Variants in MAP2K1 observed in about 807,000 individuals in gnomAD.
The protein encoded by MAP2K1 is mitogen-activated protein kinase kinase 1, also known as dual specificity mitogen-activated protein kinase kinase 1.
Under a neutral mutation model 46.3 loss-of-function variants are expected in MAP2K1, and 16 were observed. That is an observed-to-expected ratio of 0.35 (90% CI 0.23 to 0.52). The LOEUF (loss-of-function observed/expected upper bound fraction) is 0.52. MAP2K1 is among the 20% of genes least tolerant of loss of function. The pLI is 0.94. For synonymous variants in MAP2K1, 183 were observed against 185.6 expected (o/e 0.99, Z 0.11); for missense variants, 263 against 497.1 (o/e 0.53, Z 4.48).
At chr15:66,400,275 C>T (rs530166374) in intron 1 of MAP2K1, among the ~76,000 whole-genome samples, 2 of 151,320 alleles carry the variant, frequency 1.3e-5, no homozygotes, top group African/African-American at 4.8e-5. Context: ...CCACCTGGCT[C>T]AACCTCCCAA....
chr15:66,491,099 CAG>C lies in MAP2K1; in HGVS notation c.*489_*490del, dbSNP rs1228503968. The C allele has an allele frequency of 1.1e-5, 4 of 351,384 alleles. No individual in the cohort carries two copies. Among genetic ancestry groups the C allele is most frequent in the Non-Finnish European group, 2.1e-5 (4 of 188,764 alleles). 21.8% of individuals were successfully genotyped at this position (351,384 alleles called of 1,614,324 possible). On this transcript the variant is annotated 3_prime_UTR_variant, in exon 11 of 11. Transcript: ENST00000307102. ...GCTTTGCTGCTATGAAAATGAGCAT[CAG>C]AGAGTGTACATCATGTTATTTTATT...
rs188186030 is a variant in MAP2K1, at chr15:66,419,629, T to C, written c.81-15398T>C. Among the ~76,000 whole-genome samples, 120 of 152,282 alleles carry C rather than the reference T, an allele frequency of 7.9e-4. 1 individual carries two copies. The highest frequency in any genetic ancestry group is 5.6e-3 in the Admixed American group (85 of 15,294). The stretch of plus-strand genomic sequence containing the variant: ...TTAAGCAACAATATGACACCCCCTG[T>C]CTGATTCAGGATGTTATTCAATATT... On this transcript the variant is annotated intron_variant, in intron 1 of 10. Transcript: ENST00000307102.
chr15:66,457,241 C>A (rs528513161), intron 5 of MAP2K1, among the ~76,000 whole-genome samples: 119 of 152,334 alleles, frequency 7.8e-4, no homozygotes, highest in Non-Finnish European at 1.4e-3. Context: ...GCCTCAGCCT[C>A]CCAGGTAGCG....
intron 1 of MAP2K1, among the ~76,000 whole-genome samples, chr15:66,389,813 C>T (rs1258068398): frequency 6.6e-6 from 1 of 151,948 alleles, no homozygotes; most frequent in Non-Finnish European, 1.5e-5. Flanking sequence ...ACCTCGTGAT[C>T]CTCCCACCTC....
At chr15:66,454,296 T>TC (rs139471997) in intron 5 of MAP2K1, among the ~76,000 whole-genome samples, 20,519 of 152,224 alleles carry the variant, frequency 0.13, 1,421 homozygotes, top group Non-Finnish European at 0.15. Context: ...CCCGTTTTTT[T>TC]CCACTGTATC....
intron 1 of MAP2K1, among the ~76,000 whole-genome samples, chr15:66,402,919 G>A (rs1011695587): frequency 6.6e-6 from 1 of 152,154 alleles, no homozygotes; most frequent in Non-Finnish European, 1.5e-5. Context: ...TAAGTGTAAC[G>A]AGGTTTCTCA....
At chr15:66,426,407 G>A (rs1025181211) in intron 1 of MAP2K1, among the ~76,000 whole-genome samples, 1 of 145,208 alleles carries the variant, frequency 6.9e-6, no homozygotes, top group African/African-American at 2.5e-5. Context: ...GTCGCAACAA[G>A]AAAATTCAAC....
intron 1 of MAP2K1, among the ~76,000 whole-genome samples, chr15:66,430,095 G>T: frequency 6.6e-6 from 1 of 152,182 alleles, no homozygotes; most frequent in East Asian, 1.9e-4. Flanking sequence ...TCACAGATGG[G>T]TAAATAGGGG....
At chr15:66,397,129 C>T (rs1372826270) in intron 1 of MAP2K1, among the ~76,000 whole-genome samples, 3 of 151,196 alleles carry the variant, frequency 2.0e-5, no homozygotes, top group Non-Finnish European at 2.9e-5. Flanking sequence ...CTCAGCTTCC[C>T]GAGTAGCTGG....
intron 5 of MAP2K1, among the ~76,000 whole-genome samples, chr15:66,459,066 G>A (rs1892243786): frequency 6.6e-6 from 1 of 152,090 alleles, no homozygotes; most frequent in South Asian, 2.1e-4. Context: ...TGTAAGCCCA[G>A]CACTTTGGGA....
chr15:66,426,114 G>A (rs578027511), intron 1 of MAP2K1, among the ~76,000 whole-genome samples: 2 of 150,244 alleles, frequency 1.3e-5, no homozygotes, highest in South Asian at 2.1e-4. Context: ...GGTTTTAGAC[G>A]GGGCCTGGGA....
intron 5 of MAP2K1, among the ~76,000 whole-genome samples, chr15:66,468,650 T>G (rs1892527322): frequency 6.6e-6 from 1 of 152,056 alleles, no homozygotes; most frequent in Admixed American, 6.6e-5. Flanking sequence ...AATTTTTTTT[T>G]GGCTGGGCGC....
chr15:66,438,934 G>A lies in MAP2K1; in HGVS notation c.438+2042G>A, dbSNP rs573480067. On this transcript the variant is annotated intron_variant, in intron 3 of 10. Coordinates refer to ENST00000307102, the MANE Select transcript of MAP2K1 (RefSeq NM_002755.4). ...TGTACATAGACCCAGAGGGCAGCTA[G>A]AATAGTCAGTCAGTGGTAGTGAAGA... Among the ~76,000 whole-genome samples, 15 of 152,322 alleles carry A rather than the reference G, an allele frequency of 9.8e-5. 1 individual carries two copies. Among genetic ancestry groups the A allele is most frequent in the Middle Eastern group, 3.4e-3 (1 of 294 alleles).
At chr15:66,409,024 T>G (rs2093405006) in intron 1 of MAP2K1, among the ~76,000 whole-genome samples, 1 of 152,194 alleles carries the variant, frequency 6.6e-6, no homozygotes, top group South Asian at 2.1e-4. Context: ...GGTGATTCTT[T>G]TCAGTTTATA....
chr15:66,388,904 C>CTTTTT (rs72328500), intron 1 of MAP2K1, among the ~76,000 whole-genome samples: 18 of 111,928 alleles, frequency 1.6e-4, no homozygotes, highest in South Asian at 2.9e-4. Flanking sequence ...AACATTTGTT[C>CTTTTT]TTTTTTTTTT....
chr15:66,466,750 C>T (rs147486460), intron 5 of MAP2K1, among the ~76,000 whole-genome samples: 49 of 152,270 alleles, frequency 3.2e-4, no homozygotes, highest in African/African-American at 1.2e-3. Context: ...TGAAAAACAA[C>T]ACAAAGAATC....
intron 1 of MAP2K1, among the ~76,000 whole-genome samples, chr15:66,404,511 TAGC>T (rs2093391236): frequency 6.6e-6 from 1 of 152,260 alleles, no homozygotes; most frequent in South Asian, 2.1e-4. Context: ...AATGCTGGGT[TAGC>T]CATAAAGGTA....
chr15:66,406,286 A>G (rs1322988420), intron 1 of MAP2K1, among the ~76,000 whole-genome samples: 1 of 152,242 alleles, frequency 6.6e-6, no homozygotes, highest in Admixed American at 6.5e-5. Context: ...TTTAGCCTTG[A>G]AATTCAGTAA....
intron 1 of MAP2K1, among the ~76,000 whole-genome samples, chr15:66,431,374 C>A (rs1413281572): frequency 6.6e-6 from 1 of 152,084 alleles, no homozygotes; most frequent in Non-Finnish European, 1.5e-5. Context: ...TTATTGATAT[C>A]TTTTTAATGA....
Sources: gnomAD v4.1 joint callset for allele counts (sites outside exome capture counted in the v4.1 genomes callset) on GRCh38, gnomAD v4.1.1 for gene constraint, MANE v1.5 for transcripts, NCBI Gene and HGNC (gene_info 2026-07-23, HGNC 2026-07-21) for gene names.